The following EDIL3 variants were observed in gnomAD, a reference collection of about 807,000 sequenced individuals.
EDIL3 encodes the protein EGF like and discoidin domains 3.
In EDIL3, 37 loss-of-function variants were observed where a neutral mutation model predicts 67.4. That is an observed-to-expected ratio of 0.55 (90% CI 0.42 to 0.72). EDIL3 has a LOEUF of 0.72. Among genes scored for constraint, EDIL3 ranks in the 30% least tolerant of loss-of-function variants. The pLI is 0.00. For synonymous variants in EDIL3, 195 were observed against 196.3 expected (o/e 0.99, Z 0.05); for missense variants, 527 against 586.3 (o/e 0.90, Z 1.04).
intron 3 of EDIL3, among the ~76,000 whole-genome samples, chr5:84,209,899 G>T (rs185092483): frequency 2.7e-4 from 41 of 152,090 alleles, no homozygotes; most frequent in Admixed American, 2.1e-3. Flanking sequence ...ATTTCCCAGG[G>T]GTCATTTCTA....
Position 84,160,022 on chromosome 5 carries a change from T to A in EDIL3, c.355+20371A>T, listed in dbSNP as rs149503750. Reference sequence around the variant, plus strand: ...TCATTCTGACATTTCTCTGCAGATTTCTTTTCAGGCCAATTGTGGATTTGG... The same window carrying A: ...TCATTCTGACATTTCTCTGCAGATTACTTTTCAGGCCAATTGTGGATTTGG... On this transcript the variant is annotated intron_variant, in intron 4 of 10. Coordinates refer to ENST00000296591, the MANE Select transcript of EDIL3 (RefSeq NM_005711.5). 3.1e-3 allele frequency among the ~76,000 whole-genome samples: 476 copies of A among 152,266 alleles called. 1 individual carries two copies. Among genetic ancestry groups the A allele is most frequent in the Non-Finnish European group, 4.8e-3 (328 of 67,996 alleles).
chr5:84,218,110 G>T (rs995490164), intron 3 of EDIL3, among the ~76,000 whole-genome samples: 1 of 152,014 alleles, frequency 6.6e-6, no homozygotes, highest in Non-Finnish European at 1.5e-5. Context: ...AATTTCTAAC[G>T]CTGTAGCAAC....
chr5:84,194,908 A>G (rs553045867), intron 3 of EDIL3, among the ~76,000 whole-genome samples: 2 of 151,930 alleles, frequency 1.3e-5, no homozygotes, highest in South Asian at 4.1e-4. Context: ...CCTCAGTTTG[A>G]TTGAAATGAT....
chr5:84,041,547 C>CATAT (rs59892790), intron 9 of EDIL3, among the ~76,000 whole-genome samples: 4 of 146,562 alleles, frequency 2.7e-5, no homozygotes, highest in East Asian at 4.0e-4. Context: ...TGTGTGTGTG[C>CATAT]ATATATATAT....
chr5:84,257,682 GA>G (rs1263857388), intron 1 of EDIL3, among the ~76,000 whole-genome samples: 7 of 152,118 alleles, frequency 4.6e-5, no homozygotes, highest in African/African-American at 1.7e-4. Context: ...AAAGTCTGTA[GA>G]AGATCTAAAA....
chr5:84,350,962 T>A (rs1747344753), intron 1 of EDIL3, among the ~76,000 whole-genome samples: 2 of 152,058 alleles, frequency 1.3e-5, no homozygotes, highest in African/African-American at 2.4e-5. Flanking sequence ...TGGTACTGAG[T>A]CTTTGGGATC....
intron 4 of EDIL3, among the ~76,000 whole-genome samples, chr5:84,159,756 T>C (rs1748571288): frequency 6.6e-6 from 1 of 152,088 alleles, no homozygotes; most frequent in Non-Finnish European, 1.5e-5. Flanking sequence ...AATGGCTTCA[T>C]GTTATCATTA....
intron 3 of EDIL3, among the ~76,000 whole-genome samples, chr5:84,207,470 C>A (rs1184342101): frequency 1.3e-5 from 2 of 152,132 alleles, no homozygotes; most frequent in African/African-American, 4.8e-5. Context: ...GGTCATACTG[C>A]CCAAGGCAAT....
chr5:84,137,188 C>T lies in EDIL3; in HGVS notation c.469+53G>A, dbSNP rs200843007. On this transcript the variant is annotated intron_variant, in intron 5 of 10. Transcript: ENST00000296591. ...ATATATGTGTGTGTGTATACATACA[C>T]ACACACACACACACACACACACACA... The T allele has an allele frequency of 0.15, 91,123 of 625,048 alleles. 1,789 individuals are homozygous for T. The highest frequency in any genetic ancestry group is 0.18 in the South Asian group (7,255 of 39,284). 38.7% of individuals were successfully genotyped at this position (625,048 alleles called of 1,614,324 possible). A position where few individuals can be genotyped will look rare whatever the true frequency, so the allele number is the denominator to read the frequency against.
chr5:84,368,453 T>A (rs985039637), intron 1 of EDIL3, among the ~76,000 whole-genome samples: 17 of 152,122 alleles, frequency 1.1e-4, no homozygotes, highest in African/African-American at 3.6e-4. Flanking sequence ...GTTGAGCACT[T>A]ACCTACATCG....
chr5:84,270,351 C>A (rs1462853950), intron 1 of EDIL3, among the ~76,000 whole-genome samples: 3 of 152,016 alleles, frequency 2.0e-5, no homozygotes, highest in Admixed American at 2.0e-4. Flanking sequence ...TCTTCAGGAG[C>A]CCAGCACATT....
chr5:84,132,153 T>C (rs1580341633), intron 5 of EDIL3, among the ~76,000 whole-genome samples: 1 of 149,204 alleles, frequency 6.7e-6, no homozygotes, highest in Admixed American at 6.8e-5. Flanking sequence ...GAGAATTGCT[T>C]GAACCTGGGA....
intron 1 of EDIL3, among the ~76,000 whole-genome samples, chr5:84,265,455 G>A (rs1050118065): frequency 6.6e-6 from 1 of 152,154 alleles, no homozygotes; most frequent in Non-Finnish European, 1.5e-5. Context: ...ATAGTCAATA[G>A]ACAGCTAGTT....
At chr5:84,036,873 G>C (rs373215560) in intron 9 of EDIL3, among the ~76,000 whole-genome samples, 1 of 152,132 alleles carries the variant, frequency 6.6e-6, no homozygotes, top group Non-Finnish European at 1.5e-5. Flanking sequence ...TGGCCAAGAA[G>C]ATTTTGTTTT....
At chr5:84,077,982 T>TAA (rs79777633) in intron 6 of EDIL3, among the ~76,000 whole-genome samples, 23 of 151,764 alleles carry the variant, frequency 1.5e-4, no homozygotes, top group Admixed American at 2.6e-4. Flanking sequence ...GCAATTTTGT[T>TAA]AAAAAAAGAT....
At chr5:84,088,067 T>C (rs530889912) in intron 6 of EDIL3, among the ~76,000 whole-genome samples, 3 of 152,308 alleles carry the variant, frequency 2.0e-5, no homozygotes, top group Non-Finnish European at 4.4e-5. Context: ...TTTTTCTCTC[T>C]GAAATGTCCA....
Position 84,169,189 on chromosome 5 carries a change from T to C in EDIL3, c.355+11204A>G, listed in dbSNP as rs185322499. Among the ~76,000 whole-genome samples, 7 of 152,192 alleles carry C rather than the reference T, an allele frequency of 4.6e-5. No individual in the cohort carries two copies. In the East Asian group the frequency reaches 1.4e-3, roughly 29 times the overall value. ...TTACAAAACATAACAAAACTTGTTATTATGCATTGTGGTGCTGTTATTTCT... is the reference window on the plus strand; with the variant it reads ...TTACAAAACATAACAAAACTTGTTACTATGCATTGTGGTGCTGTTATTTCT... On this transcript the variant is annotated intron_variant, in intron 4 of 10. Transcript: ENST00000296591.
At chr5:84,303,845 TG>T (rs1746211590) in intron 1 of EDIL3, among the ~76,000 whole-genome samples, 31 of 147,516 alleles carry the variant, frequency 2.1e-4, no homozygotes, top group African/African-American at 7.3e-4. Flanking sequence ...TGTGTGTGTG[TG>T]TGTTTGTGTG....
intron 6 of EDIL3, among the ~76,000 whole-genome samples, chr5:84,106,078 A>G (rs1337379857): frequency 1.3e-5 from 2 of 152,106 alleles, no homozygotes; most frequent in Non-Finnish European, 2.9e-5. Flanking sequence ...ACAGAAATAT[A>G]AGCTCTGGGC....
Sources: allele counts gnomAD v4.1 joint callset (sites outside exome capture counted in the v4.1 genomes callset), GRCh38; gene constraint gnomAD v4.1.1; transcripts MANE v1.5; gene names NCBI Gene and HGNC (gene_info 2026-07-23, HGNC 2026-07-21).